DMXL2: variants seen among roughly 807,000 people sequenced by gnomAD.
DMXL2 encodes Dmx like 2.
A neutral mutation model predicts 331.1 loss-of-function variants in DMXL2; 103 were observed. That is an observed-to-expected ratio of 0.31 (90% CI 0.27 to 0.37). The LOEUF is 0.37. DMXL2 is among the 10% of genes least tolerant of loss of function. The pLI is 1.00. For missense variants in DMXL2, 3,171 were observed against 3,642.9 expected, an observed-to-expected ratio of 0.87 and a Z score of 3.33; for synonymous variants, 1,281 against 1,252.1, an observed-to-expected ratio of 1.02 and a Z score of -0.49.
chr15:51,619,880 A>G (rs2054521859), intron 1 of DMXL2, among the ~76,000 whole-genome samples: 1 of 152,120 alleles, frequency 6.6e-6, no homozygotes, highest in Non-Finnish European at 1.5e-5. Flanking sequence ...TAAGAAGGAA[A>G]TACTACCAAG....
At chr15:51,466,647 C>T (rs2040603194) in intron 29 of DMXL2, 1 of 151,596 alleles carries the variant, frequency 6.6e-6, no homozygotes, top group Non-Finnish European at 1.5e-5. Context: ...TACAAAAGGA[C>T]AAACTATGAA....
In DMXL2 at chr15:51,474,429, T is replaced by C; in HGVS notation, c.7128A>G (p.Pro2376=). The change falls in exon 28 of 44, where the codon CCA becomes CCG. Residue 2376 remains proline, a synonymous_variant. Transcript: ENST00000560891. ...CAGCAGCCCACATTCGATTATTTAA[T>C]GGGTGGGCTGCAAGCCGAAATAATT... The part of the protein sequence containing the change: ...SSELFRLAAH[P]LNNRMWAAVF... The C allele has an allele frequency of 2.5e-6, 4 of 1,608,328 alleles. No individual in the cohort carries two copies. Among genetic ancestry groups the C allele is most frequent in the Non-Finnish European group, 3.4e-6 (4 of 1,178,222 alleles).
chr15:51,601,589 G>A (rs2053234211), intron 1 of DMXL2, among the ~76,000 whole-genome samples: 1 of 152,074 alleles, frequency 6.6e-6, no homozygotes, highest in African/African-American at 2.4e-5. Context: ...CAAATGTGTG[G>A]GTCTCTTTCT....
chr15:51,535,609 A>G (rs767572836), intron 13 of DMXL2, 54 bp downstream of exon 13: 10 of 1,510,966 alleles, frequency 6.6e-6, no homozygotes, highest in Non-Finnish European at 8.9e-6. Context: ...GACAAAGTCA[A>G]AAGAGAATTC....
rs115951250 is a variant in DMXL2, at chr15:51,614,954, A to G, written c.87+7505T>C. Among the ~76,000 whole-genome samples the G allele has an allele frequency of 3.2e-3, 480 of 152,326 alleles. 4 individuals are homozygous for G. The highest frequency in any genetic ancestry group is 0.011 in the African/African-American group (466 of 41,570). On this transcript the variant is annotated intron_variant, in intron 1 of 43. Transcript: ENST00000560891. Reference sequence around the variant, plus strand: ...AGATTCAACTGCCATTATCCAGGGGAAAAAAATGATGCTGTCTTGCACCAA... The same window carrying G: ...AGATTCAACTGCCATTATCCAGGGGGAAAAAATGATGCTGTCTTGCACCAA...
At chr15:51,518,697 C>T (rs1269317860) in intron 13 of DMXL2, among the ~76,000 whole-genome samples, 1 of 152,136 alleles carries the variant, frequency 6.6e-6, no homozygotes, top group African/African-American at 2.4e-5. Flanking sequence ...GATTGAGGTG[C>T]TTCCAATGTG....
Position 51,449,165 on chromosome 15 carries a change from A to C in DMXL2, c.8996T>G (p.Ile2999Ser). ...KVWRLTGHGL[I>S]HSFKSEHAKQ... ...AGCATGTTCACTTTTAAATGAATGA[A>C]TTAGGCCATGGCCTGTCAATCTCCA... Residue 2999 changes from isoleucine (I) to serine (S), a missense_variant, in exon 44 of 44, where the codon ATT becomes AGT. Around this residue, in one of 7 missense-constraint regions of DMXL2, gnomAD observed 766 missense variants for 940.5 expected, o/e 0.81. Transcript: ENST00000560891. The C allele has an allele frequency of 3.1e-6, 5 of 1,614,176 alleles. No homozygotes were observed. Among genetic ancestry groups the C allele is most frequent in the Non-Finnish European group, 4.2e-6 (5 of 1,180,012 alleles).
chr15:51,467,486 T>C (rs2040691193), intron 29 of DMXL2, among the ~76,000 whole-genome samples: 1 of 152,014 alleles, frequency 6.6e-6, no homozygotes, highest in South Asian at 2.1e-4. Flanking sequence ...AGTCAATACC[T>C]CAAACTGGAA....
At chr15:51,571,334 G>A (rs2050657601) in intron 2 of DMXL2, among the ~76,000 whole-genome samples, 2 of 152,178 alleles carry the variant, frequency 1.3e-5, no homozygotes, top group Admixed American at 6.5e-5. Flanking sequence ...CACAGTAATA[G>A]TGGGAGACTT....
chr15:51,462,908 C>T (rs1177892890), intron 33 of DMXL2, among the ~76,000 whole-genome samples: 1 of 152,204 alleles, frequency 6.6e-6, no homozygotes, highest in East Asian at 1.9e-4. Context: ...AATCTTCCTT[C>T]ATCTTGTATT....
At position 51,507,160 on chromosome 15, in the gene DMXL2, T is replaced by C. The variant is rs1309624186; in HGVS notation, c.2738A>G (p.His913Arg). Residue 913 changes from histidine (H) to arginine (R), a missense_variant, in exon 16 of 44, where the codon CAT (histidine) becomes CGT (arginine). This residue lies in a region of DMXL2 where 1,674 missense variants were observed against 1,780.2 expected (regional missense o/e 0.94). Transcript: ENST00000560891. ...TAAACATGCTTGTACAGATTTAAGATGAAGGTGCCACATATGCAGAATAGA... is the reference window on the plus strand; with the variant it reads ...TAAACATGCTTGTACAGATTTAAGACGAAGGTGCCACATATGCAGAATAGA... Reference protein sequence around the residue: ...NNSILHMWHLHLKSVQACLAK... With the variant: ...NNSILHMWHLRLKSVQACLAK... The C allele has an allele frequency of 1.2e-6, 2 of 1,609,602 alleles. No individual in the cohort carries two copies. The highest frequency in any genetic ancestry group is 3.3e-5 in the Admixed American group (2 of 59,830).
At chr15:51,476,967 G>A (rs942674573) in intron 26 of DMXL2, among the ~76,000 whole-genome samples, 2 of 151,958 alleles carry the variant, frequency 1.3e-5, no homozygotes, top group African/African-American at 2.4e-5. Context: ...ATTTTTTCCA[G>A]ATGCCACTTT....
chr15:51,541,867 T>C lies in DMXL2; in HGVS notation c.1105+466A>G, dbSNP rs76882381. ...AAAAGGGAAAAGAAAATATTCAGGT[T>C]AGAAGGAAAAGTGTTTTCCTTAGTA... On this transcript the variant is annotated intron_variant, in intron 9 of 43. Coordinates refer to ENST00000560891, the MANE Select transcript of DMXL2 (RefSeq NM_001378457.1). Among the ~76,000 whole-genome samples, 72 of 152,236 alleles carry C rather than the reference T, an allele frequency of 4.7e-4. 1 individual carries two copies. In the East Asian group the frequency reaches 0.012, roughly 26 times the overall value.
chr15:51,525,208 T>C (rs2047602004), intron 13 of DMXL2, among the ~76,000 whole-genome samples: 1 of 151,820 alleles, frequency 6.6e-6, no homozygotes, highest in Admixed American at 6.6e-5. Context: ...ACCTGCTAAC[T>C]GAAGAGCCTC....
chr15:51,513,260 T>C (rs1343912619), intron 15 of DMXL2, among the ~76,000 whole-genome samples: 1 of 152,208 alleles, frequency 6.6e-6, no homozygotes, highest in African/African-American at 2.4e-5. Flanking sequence ...TCTGGTAAGC[T>C]GGCATATCTT....
At chr15:51,464,157 C>G (rs2040367605) in intron 32 of DMXL2, among the ~76,000 whole-genome samples, 1 of 152,196 alleles carries the variant, frequency 6.6e-6, no homozygotes, top group African/African-American at 2.4e-5. Flanking sequence ...AATCCCAGCA[C>G]TTTGGGAGGC....
rs2039953270 is a variant in DMXL2 at position 51,459,636 on chromosome 15, C to T, written c.7951G>A (p.Val2651Ile). Residue 2651 changes from valine (V) to isoleucine (I), a missense_variant, in exon 34 of 44, where the codon GTC becomes ATC. Physicochemically the swap from Val to Ile is conservative, Grantham distance 29. This residue lies in a region of DMXL2 where 766 missense variants were observed against 940.5 expected (regional missense o/e 0.81). Transcript: ENST00000560891. ...TCTTCTGCTATGCAGTTTTGGTTGA[C>T]CTGCTCCACATGTTCTTCTATAGAC... ...SESIEEHVEQ[V>I]NQNCIAEDCH... The T allele has an allele frequency of 1.6e-6, 2 of 1,289,676 alleles. No individual in the cohort carries two copies. The highest frequency in any genetic ancestry group is 5.5e-5 in the East Asian group (1 of 18,042). The allele number at this position is 1,289,676 out of a possible 1,614,324, so 79.9% of individuals were successfully genotyped here.
At chr15:51,518,896 G>A (rs976823906) in intron 13 of DMXL2, among the ~76,000 whole-genome samples, 1 of 152,122 alleles carries the variant, frequency 6.6e-6, no homozygotes, top group African/African-American at 2.4e-5. Context: ...TATAGTGGAA[G>A]ATACTACTGG....
At chr15:51,485,776 T>C (rs1346446607) in intron 23 of DMXL2, among the ~76,000 whole-genome samples, 1 of 152,090 alleles carries the variant, frequency 6.6e-6, no homozygotes, top group Non-Finnish European at 1.5e-5. Context: ...TCCAGGCCCA[T>C]GTGACAAACC....
Sources: gnomAD v4.1 joint callset for allele counts (sites outside exome capture counted in the v4.1 genomes callset) on GRCh38, gnomAD v4.1.1 for gene constraint, gnomAD v4.1.1 regional missense constraint, MANE v1.5 for transcripts, NCBI Gene and HGNC (gene_info 2026-07-23, HGNC 2026-07-21) for gene names.